CACNA2D3: variants seen among roughly 807,000 people sequenced by gnomAD.
CACNA2D3 encodes the protein voltage-dependent calcium channel subunit alpha-2/delta-3.
Under a neutral mutation model 160.6 loss-of-function variants are expected in CACNA2D3, and 60 were observed. The observed-to-expected ratio is 0.37, with a 90% CI of 0.30 to 0.46. The LOEUF (loss-of-function observed/expected upper bound fraction) is 0.46, where lower values mean the gene tolerates loss of function less well. CACNA2D3 is among the 20% of genes least tolerant of loss of function. CACNA2D3 has a pLI of 1.00. For missense variants in CACNA2D3, 1,205 were observed against 1,365.0 expected, an observed-to-expected ratio of 0.88 and a Z score of 1.85; for synonymous variants, 558 against 492.9, an observed-to-expected ratio of 1.13 and a Z score of -1.75.
At chr3:54,978,172 C>T (rs1012105681) in intron 29 of CACNA2D3, among the ~76,000 whole-genome samples, 2 of 152,172 alleles carry the variant, frequency 1.3e-5, no homozygotes, top group Non-Finnish European at 2.9e-5. Context: ...GACCTCCTAA[C>T]TCATCCTGTG....
At chr3:54,578,146 G>A (rs529576520) in intron 8 of CACNA2D3, among the ~76,000 whole-genome samples, 168 of 152,196 alleles carry the variant, frequency 1.1e-3, no homozygotes, top group Non-Finnish European at 1.1e-3. Flanking sequence ...GTTTAAGTAC[G>A]TCTTTAGGGT....
At chr3:54,393,040 G>A (rs1307213397) in intron 4 of CACNA2D3, among the ~76,000 whole-genome samples, 1 of 152,186 alleles carries the variant, frequency 6.6e-6, no homozygotes, top group Non-Finnish European at 1.5e-5. Context: ...CAGGGCTGAA[G>A]TGCATCAAAG....
intron 5 of CACNA2D3, among the ~76,000 whole-genome samples, chr3:54,552,550 A>C (rs918042008): frequency 6.6e-6 from 1 of 152,178 alleles, no homozygotes; most frequent in Non-Finnish European, 1.5e-5. Context: ...AAGGTAATGT[A>C]CTATAGCAAT....
intron 4 of CACNA2D3, among the ~76,000 whole-genome samples, chr3:54,441,427 TCC>T (rs765204020): frequency 0.13 from 19,666 of 152,082 alleles, 1,554 homozygotes; most frequent in Admixed American, 0.24. Context: ...TTTCTCCCAT[TCC>T]GTAGGTTGCC....
chr3:54,539,180 A>C (rs1030523109), intron 5 of CACNA2D3, among the ~76,000 whole-genome samples: 42 of 152,152 alleles, frequency 2.8e-4, no homozygotes, highest in Non-Finnish European at 3.2e-4. Context: ...AGGGCAAATT[A>C]CTTAAGCCTT....
chr3:54,821,696 CT>C (rs1377462279), intron 14 of CACNA2D3, among the ~76,000 whole-genome samples: 3,147 of 122,582 alleles, frequency 0.026, 140 homozygotes, highest in African/African-American at 0.077. Context: ...TTCTTTCTTT[CT>C]TTCCTTCCTT....
At chr3:54,837,705 G>C (rs537264406) in intron 15 of CACNA2D3, among the ~76,000 whole-genome samples, 74 of 152,232 alleles carry the variant, frequency 4.9e-4, no homozygotes, top group African/African-American at 1.7e-3. Flanking sequence ...GCCTCTTTCA[G>C]CTTCTCGGGG....
intron 4 of CACNA2D3, among the ~76,000 whole-genome samples, chr3:54,443,846 T>G (rs1286804696): frequency 6.6e-6 from 1 of 152,238 alleles, no homozygotes; most frequent in Non-Finnish European, 1.5e-5. Flanking sequence ...GACCGCAAAG[T>G]CATCTTTGCT....
intron 17 of CACNA2D3, among the ~76,000 whole-genome samples, chr3:54,869,867 T>A (rs982388019): frequency 6.6e-6 from 1 of 152,238 alleles, no homozygotes; most frequent in African/African-American, 2.4e-5. Flanking sequence ...AAGATCCAAC[T>A]GCTAATCTGC....
At chr3:54,825,478 G>A (rs893129579) in intron 14 of CACNA2D3, among the ~76,000 whole-genome samples, 11 of 152,164 alleles carry the variant, frequency 7.2e-5, no homozygotes, top group African/African-American at 2.4e-4. Context: ...AACTCAATGA[G>A]TTGGGTTTTC....
intron 32 of CACNA2D3, 126 bp from the exon 33 acceptor site, chr3:55,007,664 C>A: frequency 1.6e-6 from 1 of 636,270 alleles, no homozygotes; most frequent in Non-Finnish European, 2.7e-6. Flanking sequence ...GCTAGAACGC[C>A]ACTGTTTTTT....
At chr3:54,258,691 A>C (rs1456777146) in intron 2 of CACNA2D3, among the ~76,000 whole-genome samples, 2 of 151,646 alleles carry the variant, frequency 1.3e-5, no homozygotes, top group Admixed American at 6.5e-5. Flanking sequence ...AACATAAAAT[A>C]CATAGCTGAG....
intron 4 of CACNA2D3, among the ~76,000 whole-genome samples, chr3:54,460,721 A>C (rs1386325070): frequency 6.6e-6 from 1 of 152,164 alleles, no homozygotes; most frequent in Non-Finnish European, 1.5e-5. Flanking sequence ...TCATCTGCAA[A>C]CAGGGACAAT....
chr3:54,366,475 A>C (rs1698829590), intron 3 of CACNA2D3, among the ~76,000 whole-genome samples: 1 of 152,228 alleles, frequency 6.6e-6, no homozygotes, highest in Non-Finnish European at 1.5e-5. Context: ...TTGGAAAGCA[A>C]ATGTAAAATA....
intron 2 of CACNA2D3, among the ~76,000 whole-genome samples, chr3:54,285,721 C>G (rs916787772): frequency 1.3e-5 from 2 of 152,198 alleles, no homozygotes; most frequent in Non-Finnish European, 2.9e-5. Flanking sequence ...GGGAACTCCT[C>G]TGAGACAAAA....
chr3:54,812,397 A>G (rs1703341183), intron 13 of CACNA2D3, among the ~76,000 whole-genome samples: 1 of 152,230 alleles, frequency 6.6e-6, no homozygotes, highest in Non-Finnish European at 1.5e-5. Context: ...TTTGAGACAC[A>G]GACAACTGAC....
rs1265044021 is a variant in CACNA2D3 at position 55,054,314 on chromosome 3, CTGTTCATTTGTGTTTTAACCT to C, written c.2988-19126_2988-19106del. Among the ~76,000 whole-genome samples, 3 of 151,866 alleles carry C rather than the reference CTGTTCATTTGTGTTTTAACCT, an allele frequency of 2.0e-5. No homozygotes were observed. In the East Asian group the frequency reaches 5.8e-4, roughly 29 times the overall value. ...TACTATTTTACTGCTTACTGAGCTT[CTGTTCATTTGTGTTTTAACCT>C]TGTTTTTCTCTTTGTTCTCTAATTT... On this transcript the variant is annotated intron_variant, in intron 35 of 37. Transcript: ENST00000474759.
intron 29 of CACNA2D3, among the ~76,000 whole-genome samples, chr3:54,976,096 A>G (rs1240677957): frequency 2.1e-5 from 3 of 145,552 alleles, no homozygotes; most frequent in Admixed American, 1.4e-4. Flanking sequence ...CACACACATT[A>G]TATAAAGGGA....
intron 11 of CACNA2D3, among the ~76,000 whole-genome samples, chr3:54,743,166 C>T (rs1446057881): frequency 2.6e-5 from 4 of 152,206 alleles, no homozygotes; most frequent in African/African-American, 9.6e-5. Context: ...GAATCTACTC[C>T]ATGCCAGGTA....
Sources: allele counts gnomAD v4.1 joint callset (sites outside exome capture counted in the v4.1 genomes callset), GRCh38; gene constraint gnomAD v4.1.1; transcripts MANE v1.5; gene names NCBI Gene and HGNC (gene_info 2026-07-23, HGNC 2026-07-21).